The following KCTD18 variants were observed in gnomAD, a reference collection of about 807,000 sequenced individuals.
The protein encoded by KCTD18 is potassium channel tetramerization domain containing 18.
A neutral mutation model predicts 30.4 loss-of-function variants in KCTD18; 22 were observed. The observed-to-expected ratio is 0.72, with a 90% confidence interval of 0.52 to 1.03. KCTD18 has a LOEUF of 1.03. KCTD18 is among the 50% of genes least tolerant of loss of function. The probability of loss-of-function intolerance (pLI) is 0.00; values close to 1 mark genes in which losing one functional copy is unlikely to be tolerated. For missense variants in KCTD18, 529 were observed against 547.6 expected (o/e 0.97, Z 0.34); for synonymous variants, 186 against 209.0 (o/e 0.89, Z 0.95).
intron 6 of KCTD18, 145 bp from the exon 7 acceptor site, chr2:200,490,761 C>G (rs1425805330): frequency 2.6e-6 from 2 of 756,340 alleles, no homozygotes; most frequent in African/African-American, 3.5e-5. Context: ...TACCTCATCT[C>G]TCATCTCCCA....
intron 2 of KCTD18, among the ~76,000 whole-genome samples, chr2:200,505,629 C>G (rs1282404714): frequency 6.6e-6 from 1 of 152,080 alleles, no homozygotes; most frequent in Non-Finnish European, 1.5e-5. Context: ...TGGACTAGAA[C>G]AGGTATATGG....
rs995871542 is a variant in KCTD18 at position 200,490,021 on chromosome 2, A to T, written c.*79T>A. 3 of 1,422,644 alleles carry T rather than the reference A, an allele frequency of 2.1e-6. No homozygotes were observed. The highest frequency in any genetic ancestry group is 2.8e-5 in the African/African-American group (2 of 70,328). 88.1% of individuals were successfully genotyped at this position (1,422,644 alleles called of 1,614,324 possible). ...ACCTAAGCTTCCCCTCTGCTGCATT[A>T]AGAAAGTGTCACTTCTTTGCGTCGA... is the stretch of plus-strand genomic sequence containing the variant. On this transcript the variant is annotated 3_prime_UTR_variant, in exon 7 of 7. Coordinates refer to ENST00000359878, the MANE Select transcript of KCTD18 (RefSeq NM_152387.4).
intron 3 of KCTD18, among the ~76,000 whole-genome samples, chr2:200,501,174 T>C (rs184807180): frequency 6.6e-6 from 1 of 152,128 alleles, no homozygotes; most frequent in Non-Finnish European, 1.5e-5. Context: ...CCTAAAACCA[T>C]GAAAACCCTA....
In KCTD18 at chr2:200,509,865, A is replaced by T. The variant is rs913411244; in HGVS notation, c.-313T>A. On this transcript the variant is annotated 5_prime_UTR_variant, in exon 1 of 7. Transcript: ENST00000359878. The stretch of plus-strand genomic sequence containing the variant: ...AGACCCCAAATCGGCCCGAAGCCCG[A>T]GCCTGCAGCCCGGGGCGCGCGCGTT... 1 of 151,950 alleles carries T rather than the reference A, an allele frequency of 6.6e-6. No individual in the cohort carries two copies. Among genetic ancestry groups the T allele is most frequent in the African/African-American group, 2.4e-5 (1 of 41,376 alleles). The allele number at this position is 151,950 out of a possible 1,614,324, so 9.4% of individuals were successfully genotyped here.
chr2:200,505,651 A>G (rs1574809026), intron 2 of KCTD18, among the ~76,000 whole-genome samples: 1 of 152,122 alleles, frequency 6.6e-6, no homozygotes, highest in East Asian at 1.9e-4. Flanking sequence ...GGTTCTCACT[A>G]AAGAGAGCAT....
intron 3 of KCTD18, among the ~76,000 whole-genome samples, chr2:200,500,242 A>G (rs371629539): frequency 1.3e-5 from 2 of 149,170 alleles, no homozygotes; most frequent in South Asian, 2.2e-4. Flanking sequence ...GCCCTCTCTC[A>G]CCACTCCTAT....
rs768832472 is a variant in KCTD18, at chr2:200,493,244, A to T, written c.692T>A (p.Leu231Gln). Residue 231 changes from leucine to glutamine, a missense_variant, in exon 6 of 7, where the codon CTG becomes CAG. Transcript: ENST00000359878. ...GVSYWRVPHELIECWTLEERP... is the reference protein window; with the variant it reads ...GVSYWRVPHEQIECWTLEERP... ...TTCTTCTAGAGTCCAACACTCTATC[A>T]GCTCATGAGGCACCCGCCAGTAGCT... 1.2e-6 allele frequency: 2 copies of T among 1,612,110 alleles called. No individual in the cohort carries two copies. Among genetic ancestry groups the T allele is most frequent in the Middle Eastern group, 1.6e-4 (1 of 6,080 alleles).
chr2:200,493,103 C>A (rs2087944755), intron 6 of KCTD18, 69 bp downstream of exon 6: 2 of 869,234 alleles, frequency 2.3e-6, no homozygotes, highest in South Asian at 1.4e-5. Context: ...TTCATTTTCC[C>A]TTCACAAAGG....
At chr2:200,499,184 A>C (rs1216758639) in intron 3 of KCTD18, 100 bp from the exon 4 acceptor site, 1 of 768,330 alleles carries the variant, frequency 1.3e-6, no homozygotes, top group Non-Finnish European at 2.0e-6. Context: ...ATTCTAGTTG[A>C]TCATAAGGGA....
chr2:200,499,671 T>G (rs942866473), intron 3 of KCTD18, among the ~76,000 whole-genome samples: 2 of 151,470 alleles, frequency 1.3e-5, no homozygotes, highest in South Asian at 4.2e-4. Flanking sequence ...CAGGACCAGA[T>G]GGATTCACAG....
Position 200,497,693 on chromosome 2 carries a change from ACTTT to A in KCTD18, c.661+56_661+59del, listed in dbSNP as rs1411405144. 2.8e-6 allele frequency: 3 copies of A among 1,089,262 alleles called. No homozygotes were observed. In the African/African-American group the frequency reaches 4.7e-5, roughly 17 times the overall value. 67.5% of individuals were successfully genotyped at this position (1,089,262 alleles called of 1,614,324 possible). The stretch of plus-strand genomic sequence containing the variant: ...AAAAAGAAATGCAGTATTTGAGCTT[ACTTT>A]GTCTTTTTTTTTTAAAGTCCACCTG... On this transcript the variant is annotated intron_variant, in intron 5 of 6. Coordinates refer to ENST00000359878, the MANE Select transcript of KCTD18 (RefSeq NM_152387.4).
chr2:200,495,885 T>TA (rs2087991023), intron 5 of KCTD18: 1 of 152,200 alleles, frequency 6.6e-6, no homozygotes. Context: ...GTTTTGTGTT[T>TA]AACATTTATG....
intron 3 of KCTD18, among the ~76,000 whole-genome samples, chr2:200,504,546 C>A (rs2030059599): frequency 6.7e-6 from 1 of 149,146 alleles, no homozygotes; most frequent in African/African-American, 2.5e-5. Flanking sequence ...GCAATATAAA[C>A]TCAATCAACC....
At chr2:200,499,183 G>T in intron 3 of KCTD18, 99 bp from the exon 4 acceptor site, 1 of 763,380 alleles carries the variant, frequency 1.3e-6, no homozygotes. Context: ...AATTCTAGTT[G>T]ATCATAAGGG....
chr2:200,504,707 C>A, intron 3 of KCTD18, 41 bp downstream of exon 3: 1 of 1,401,358 alleles, frequency 7.1e-7, no homozygotes, highest in South Asian at 1.2e-5. Context: ...CTTTGTGCAT[C>A]ATAAATATAT....
chr2:200,504,621 C>T, intron 3 of KCTD18, 127 bp downstream of exon 3: 1 of 722,518 alleles, frequency 1.4e-6, no homozygotes, highest in Non-Finnish European at 2.2e-6. Context: ...AGTAAAGAAA[C>T]ATGTCTTCAA....
chr2:200,495,337 T>A (rs1374678742), intron 5 of KCTD18, among the ~76,000 whole-genome samples: 1 of 152,228 alleles, frequency 6.6e-6, no homozygotes, highest in East Asian at 1.9e-4. Flanking sequence ...TGCCAAAATA[T>A]ATTTAACCCT....
Position 200,493,172 on chromosome 2 carries a change from C to A in KCTD18, c.764G>T (p.Arg255Met), listed in dbSNP as rs1448907642. 1.3e-6 allele frequency: 2 copies of A among 1,585,104 alleles called. No individual in the cohort carries two copies. Among genetic ancestry groups the A allele is most frequent in the Non-Finnish European group, 1.7e-6 (2 of 1,153,622 alleles). ...AAATAAACAACACAGCATAGATAACCTCTTTCGAATTGGAGCCATGTGACG... is the reference window on the plus strand; with the variant it reads ...AAATAAACAACACAGCATAGATAACATCTTTCGAATTGGAGCCATGTGACG... ...SLRHMAPIRK[R>M]RLITFNEADE... Residue 255 changes from arginine (R) to methionine (M), a missense_variant and splice_region_variant, in exon 6 of 7, where the codon AGG becomes ATG. By Grantham distance (91) the Arg-to-Met change is moderately conservative. Transcript: ENST00000359878.
intron 1 of KCTD18, among the ~76,000 whole-genome samples, chr2:200,507,840 T>C (rs947088616): frequency 7.9e-5 from 12 of 152,216 alleles, no homozygotes; most frequent in African/African-American, 2.9e-4. Flanking sequence ...TTTTAATTTT[T>C]TTAAATTTTT....
Sources: gnomAD v4.1 joint callset for allele counts (sites outside exome capture counted in the v4.1 genomes callset) on GRCh38, gnomAD v4.1.1 for gene constraint, MANE v1.5 for transcripts, NCBI Gene and HGNC (gene_info 2026-07-23, HGNC 2026-07-21) for gene names.